The following PSMD7 variants were observed in gnomAD, a reference collection of about 807,000 sequenced individuals.
PSMD7 encodes the protein 26S proteasome non-ATPase regulatory subunit 7.
In PSMD7, 13 loss-of-function variants were observed where a neutral mutation model predicts 36.4. The observed-to-expected ratio is 0.36, with a 90% CI of 0.23 to 0.57. The LOEUF (loss-of-function observed/expected upper bound fraction) is 0.57. PSMD7 is among the 20% of genes least tolerant of loss of function. PSMD7 has a pLI of 0.83. For missense variants in PSMD7, 298 were observed against 393.6 expected (o/e 0.76, Z 2.06); for synonymous variants, 186 against 151.0 (o/e 1.23, Z -1.70).
intron 5 of PSMD7, among the ~76,000 whole-genome samples, chr16:74,303,457 G>A (rs1396588493): frequency 6.6e-6 from 1 of 152,168 alleles, no homozygotes; most frequent in Non-Finnish European, 1.5e-5. Flanking sequence ...TTTGACAGGA[G>A]ACGTACAGCC....
intron 1 of PSMD7, chr16:74,299,815 A>G (rs2034141909): frequency 2.2e-6 from 1 of 460,082 alleles, no homozygotes; most frequent in Non-Finnish European, 3.9e-6. Flanking sequence ...TTTCAGACTA[A>G]GATCTGGGAA....
intron 1 of PSMD7, among the ~76,000 whole-genome samples, chr16:74,298,156 CAAAAAAA>C (rs75614540): frequency 1.4e-5 from 1 of 72,752 alleles, no homozygotes; most frequent in African/African-American, 6.0e-5. Context: ...ACCCTGTCTC[CAAAAAAA>C]AAAAAAAAAA....
At chr16:74,299,605 G>A (rs1232861821) in intron 1 of PSMD7, 1 of 453,832 alleles carries the variant, frequency 2.2e-6, no homozygotes, top group Admixed American at 2.4e-5. Flanking sequence ...CGCTGCCCAT[G>A]CTCGTCTCAA....
At chr16:74,301,445 G>A (rs1298863639) in intron 3 of PSMD7, 110 bp from the exon 4 acceptor site, 10 of 792,682 alleles carry the variant, frequency 1.3e-5, no homozygotes, top group Non-Finnish European at 2.0e-5. Flanking sequence ...AATATGTCTG[G>A]AATTTTCAAA....
intron 1 of PSMD7, among the ~76,000 whole-genome samples, chr16:74,299,176 T>C (rs942781972): frequency 2.0e-5 from 3 of 152,164 alleles, no homozygotes; most frequent in Admixed American, 6.5e-5. Flanking sequence ...AAAATGTAAT[T>C]AACAGTGGCT....
At chr16:74,303,501 G>C (rs573490823) in intron 5 of PSMD7, among the ~76,000 whole-genome samples, 6 of 152,242 alleles carry the variant, frequency 3.9e-5, no homozygotes, top group South Asian at 2.1e-4. Context: ...AAGTATCTTC[G>C]AAGTCCCTTC....
At chr16:74,301,525 T>C in intron 3 of PSMD7, 30 bp from the exon 4 acceptor site, 1 of 1,505,934 alleles carries the variant, frequency 6.6e-7, no homozygotes, top group South Asian at 1.1e-5. Flanking sequence ...CATGAAATAG[T>C]TAAAGCCTGC....
At chr16:74,301,005 T>C (rs1442961691) in intron 2 of PSMD7, 47 bp from the exon 3 acceptor site, 4 of 1,177,436 alleles carry the variant, frequency 3.4e-6, no homozygotes, top group African/African-American at 1.5e-5. Flanking sequence ...ACCTGTGTTC[T>C]AGGTTTCTAT....
At position 74,300,284 on chromosome 16, in the gene PSMD7, C is replaced by T. The variant is rs750120927; in HGVS notation, c.166+78C>T. ...CTTTAAAAATATAAACCTTTGTTAC[C>T]GCTTTTGACTACAACCCAGAGATTG... On this transcript the variant is annotated intron_variant, in intron 2 of 6. Transcript: ENST00000219313. 6 of 1,284,822 alleles carry T rather than the reference C, an allele frequency of 4.7e-6. No individual in the cohort carries two copies. In the Admixed American group the frequency reaches 7.5e-5, roughly 16 times the overall value. 79.6% of individuals were successfully genotyped at this position (1,284,822 alleles called of 1,614,324 possible). A position where few individuals can be genotyped will look rare whatever the true frequency, so the allele number is the denominator to read the frequency against.
At chr16:74,305,028 G>T in intron 6 of PSMD7, 1 of 432,350 alleles carries the variant, frequency 2.3e-6, no homozygotes, top group African/African-American at 2.0e-5. Flanking sequence ...TTCCTTAAGT[G>T]GAAATGGTTT....
chr16:74,299,391 T>G (rs55700724), intron 1 of PSMD7, among the ~76,000 whole-genome samples: 19,495 of 152,138 alleles, frequency 0.13, 1,687 homozygotes, highest in Middle Eastern at 0.21. Flanking sequence ...TTCATTCATT[T>G]ATTTTGAGAC....
intron 3 of PSMD7, 138 bp downstream of exon 3, chr16:74,301,282 G>A: frequency 1.5e-6 from 1 of 671,506 alleles, no homozygotes; most frequent in Non-Finnish European, 2.5e-6. Flanking sequence ...AGAGGAATAA[G>A]GTAGAATACA....
At chr16:74,301,946 G>A (rs1469640171) in intron 4 of PSMD7, among the ~76,000 whole-genome samples, 2 of 152,184 alleles carry the variant, frequency 1.3e-5, no homozygotes, top group Admixed American at 6.5e-5. Flanking sequence ...CTGGTAAGGG[G>A]TGGGACTGGG....
At chr16:74,299,588 T>TTGCCCACGC (rs749486478) in intron 1 of PSMD7, 2 of 454,940 alleles carry the variant, frequency 4.4e-6, no homozygotes, top group South Asian at 3.1e-5. Context: ...TTTCGCCATG[T>TTGCCCACGC]TGCCCACGCT....
chr16:74,304,400 A>T lies in PSMD7; in HGVS notation c.530+6A>T, dbSNP rs779956235. The T allele has an allele frequency of 3.1e-6, 5 of 1,608,762 alleles. No homozygotes were observed. The highest frequency in any genetic ancestry group is 4.3e-6 in the Non-Finnish European group (5 of 1,175,388). ...GGAGTTGAACACTTGTTACGGTGAG[A>T]CCCTAGTACAGCATCAAAATCATTC... is the stretch of plus-strand genomic sequence containing the variant. On this transcript the variant is annotated splice_donor_region_variant and intron_variant, in intron 6 of 6. Coordinates refer to ENST00000219313, the MANE Select transcript of PSMD7 (RefSeq NM_002811.5).
chr16:74,298,567 G>T (rs964620895), intron 1 of PSMD7, among the ~76,000 whole-genome samples: 1 of 152,190 alleles, frequency 6.6e-6, no homozygotes, highest in African/African-American at 2.4e-5. Context: ...CACTTGTTAA[G>T]AGCACTAGCT....
rs544759872 is a variant in PSMD7 at position 74,305,220 on chromosome 16, T to C, written c.531-69T>C. ...CAAAGCTAGGAATTTTCTTAGAATG[T>C]AAGAACTTGCCTGATAACATGGTAC... On this transcript the variant is annotated intron_variant, in intron 6 of 6. Transcript: ENST00000219313. 4 of 1,479,616 alleles carry C rather than the reference T, an allele frequency of 2.7e-6. No homozygotes were observed. In the South Asian group the frequency reaches 4.3e-5, roughly 16 times the overall value. The allele number at this position is 1,479,616 out of a possible 1,614,324, so 91.7% of individuals were successfully genotyped here. A position where few individuals can be genotyped will look rare whatever the true frequency, so the allele number is the denominator to read the frequency against.
chr16:74,297,308 G>A (rs911387607), intron 1 of PSMD7, among the ~76,000 whole-genome samples: 1 of 152,218 alleles, frequency 6.6e-6, no homozygotes, highest in Non-Finnish European at 1.5e-5. Context: ...GTCGGGAGAT[G>A]CGGCTAGCTT....
In PSMD7 at chr16:74,305,502, C is replaced by G. The variant is rs2034188699; in HGVS notation, c.744C>G (p.Ala248=). The change falls in exon 7 of 7, where the codon GCC becomes GCG. Residue 248 remains alanine (A), a synonymous_variant. Coordinates refer to ENST00000219313, the MANE Select transcript of PSMD7 (RefSeq NM_002811.5). ...PDVSLQEFVK[A]FYLKTNDQMV... ...TCAGCCTGCAGGAGTTCGTCAAGGC[C>G]TTTTACCTGAAGACCAATGACCAGA... is the stretch of plus-strand genomic sequence containing the variant. The G allele has an allele frequency of 6.8e-6, 11 of 1,614,158 alleles. No individual in the cohort carries two copies. Among genetic ancestry groups the G allele is most frequent in the Non-Finnish European group, 9.3e-6 (11 of 1,180,042 alleles).
Sources: gnomAD v4.1 joint callset for allele counts (sites outside exome capture counted in the v4.1 genomes callset) on GRCh38, gnomAD v4.1.1 for gene constraint, MANE v1.5 for transcripts, NCBI Gene and HGNC (gene_info 2026-07-23, HGNC 2026-07-21) for gene names.